Variants in HOXA7 observed in about 807,000 individuals in gnomAD.
HOXA7 encodes the protein homeobox protein Hox-A7.
In HOXA7, 16 loss-of-function variants were observed where a neutral mutation model predicts 16.8. The ratio of observed to expected loss-of-function variants is 0.95; its 90% CI spans 0.64 to 1.44. The LOEUF (loss-of-function observed/expected upper bound fraction) is 1.44. Among genes scored for constraint, HOXA7 ranks in the 40% most tolerant of loss-of-function variants. The pLI is 0.00. For synonymous variants in HOXA7, 169 were observed against 144.3 expected, an observed-to-expected ratio of 1.17 and a Z score of -1.23; for missense variants, 379 against 328.6, an observed-to-expected ratio of 1.15 and a Z score of -1.19.
At chr7:27,156,109 GCGCTCCCCGCTCCCGGTCC>G in intron 1 of HOXA7, 39 bp downstream of exon 1, 3 of 1,414,554 alleles carry the variant, frequency 2.1e-6, no homozygotes, top group Non-Finnish European at 2.8e-6. Flanking sequence ...CCCCAGCGCT[GCGCTCCCCGCTCCCGGTCC>G]CGCTCCGCCA....
chr7:27,155,235 A>G lies in HOXA7; in HGVS notation c.380-13T>C. ...TTCCTGTCAGGTCCTGAGAACAGAC[A>G]TGCAGACACATGAACACAAGGACAG... On this transcript the variant is annotated splice_polypyrimidine_tract_variant and intron_variant, in intron 1 of 1. Transcript: ENST00000242159. The G allele has an allele frequency of 6.2e-7, 1 of 1,612,662 alleles. No individual in the cohort carries two copies. Among genetic ancestry groups the G allele is most frequent in the Non-Finnish European group, 8.5e-7 (1 of 1,178,770 alleles).
Position 27,156,385 on chromosome 7 carries a change from A to G in HOXA7, c.161T>C (p.Leu54Ser). The change falls in exon 1 of 2, where the codon TTA (leucine) becomes TCA (serine). Residue 54 changes from leucine (L) to serine (S), a missense_variant. Leu to Ser is a moderately radical substitution (Grantham distance 145). Transcript: ENST00000242159. ...AGAFASTVPG[L>S]YNVNSPLYQS... ...ATAAAGGGGGCTGTTGACATTGTAT[A>G]AGCCCGGAACGGTCGAGGCGAAGGC... is the stretch of plus-strand genomic sequence containing the variant. 1 of 1,613,820 alleles carries G rather than the reference A, an allele frequency of 6.2e-7. No individual in the cohort carries two copies. Among genetic ancestry groups the G allele is most frequent in the South Asian group, 1.1e-5 (1 of 91,084 alleles).
At chr7:27,155,324 C>T in intron 1 of HOXA7, 102 bp from the exon 2 acceptor site, 1 of 1,089,388 alleles carries the variant, frequency 9.2e-7, no homozygotes. Flanking sequence ...CTGGCCTAGT[C>T]CCCAGCGAGC....
chr7:27,156,107 C>A (rs1270704139), intron 1 of HOXA7, 60 bp downstream of exon 1: 2 of 1,414,230 alleles, frequency 1.4e-6, no homozygotes, highest in East Asian at 2.7e-5. Flanking sequence ...CTCCCCAGCG[C>A]TGCGCTCCCC....
rs1783079589 is a variant in HOXA7, at chr7:27,155,002, G to A, written c.600C>T (p.Pro200=). 2.1e-5 allele frequency: 34 copies of A among 1,614,038 alleles called. No homozygotes were observed. The highest frequency in any genetic ancestry group is 2.8e-5 in the Non-Finnish European group (33 of 1,179,920). Residue 200 remains proline (P), a synonymous_variant, in exon 2 of 2, where the codon CCC becomes CCT. Coordinates refer to ENST00000242159, the MANE Select transcript of HOXA7 (RefSeq NM_006896.4). The part of the protein sequence containing the change: ...KDEGPTAAAA[P]EGAVPSAAAT... ...CGGCGGCAGAGGGCACGGCGCCCTC[G>A]GGAGCTGCGGCGGCAGTCGGACCTT...
At position 27,154,889 on chromosome 7, in the gene HOXA7, G is replaced by C. The variant is rs773956048; in HGVS notation, c.*20C>G. 4 of 1,597,632 alleles carry C rather than the reference G, an allele frequency of 2.5e-6. No individual in the cohort carries two copies. The highest frequency in any genetic ancestry group is 3.4e-6 in the Non-Finnish European group (4 of 1,169,642). ...CGCTTTTCCGACTGTCCGGTGCAGA[G>C]AGGGCCCCGGATCGGCCCCTCATTC... On this transcript the variant is annotated 3_prime_UTR_variant, in exon 2 of 2. Coordinates refer to ENST00000242159, the MANE Select transcript of HOXA7 (RefSeq NM_006896.4).
rs73071599 is a variant in HOXA7, at chr7:27,154,784, T to C, written c.*125A>G. ...AGTGCAGGTTGGGGACTGGGTTGCT[T>C]TTTTGTTTTTGTTTTTGTTTTTTAC... On this transcript the variant is annotated 3_prime_UTR_variant, in exon 2 of 2. Coordinates refer to ENST00000242159, the MANE Select transcript of HOXA7 (RefSeq NM_006896.4). The C allele has an allele frequency of 0.015, 20,907 of 1,367,394 alleles. 213 individuals are homozygous for C. The highest frequency in any genetic ancestry group is 0.018 in the Non-Finnish European group (18,280 of 1,036,536). 84.7% of individuals were successfully genotyped at this position (1,367,394 alleles called of 1,614,324 possible). A position where few individuals can be genotyped will look rare whatever the true frequency, so the allele number is the denominator to read the frequency against.
chr7:27,156,433 C>G lies in HOXA7; in HGVS notation c.113G>C (p.Ser38Thr). Reference protein sequence around the residue: ...SCSFAPNSQRSGYGAGAGAFA... With the variant: ...SCSFAPNSQRTGYGAGAGAFA... ...GGCGCCGGCGCCCGCCCCGTAGCCG[C>G]TTCTCTGTGAGTTGGGAGCAAAGGA... is the stretch of plus-strand genomic sequence containing the variant. Residue 38 changes from serine to threonine, a missense_variant, in exon 1 of 2, where the codon AGC (serine) becomes ACC (threonine). Physicochemically the swap from Ser to Thr is moderately conservative, Grantham distance 58. Transcript: ENST00000242159. 6.2e-7 allele frequency: 1 copy of G among 1,613,930 alleles called. No individual in the cohort carries two copies. The highest frequency in any genetic ancestry group is 8.5e-7 in the Non-Finnish European group (1 of 1,179,824).
chr7:27,155,060 C>T lies in HOXA7; in HGVS notation c.542G>A (p.Arg181His). The T allele has an allele frequency of 6.2e-7, 1 of 1,614,228 alleles. No homozygotes were observed. Among genetic ancestry groups the T allele is most frequent in the Non-Finnish European group, 8.5e-7 (1 of 1,180,034 alleles). The change falls in exon 2 of 2, where the codon CGC (arginine) becomes CAC (histidine). Residue 181 changes from arginine to histidine, a missense_variant. Physicochemically the swap from Arg to His is conservative, Grantham distance 29 (BLOSUM62 0). Transcript: ENST00000242159. Reference protein sequence around the residue: ...ERQIKIWFQNRRMKWKKEHKD... With the variant: ...ERQIKIWFQNHRMKWKKEHKD... Reference sequence around the variant, plus strand: ...ATGCTCTTTCTTCCACTTCATGCGGCGGTTCTGGAACCAGATCTTAATCTG... The same window carrying T: ...ATGCTCTTTCTTCCACTTCATGCGGTGGTTCTGGAACCAGATCTTAATCTG...
Position 27,155,126 on chromosome 7 carries a change from C to T in HOXA7, c.476G>A (p.Arg159His), listed in dbSNP as rs576810987. The change falls in exon 2 of 2, where the codon CGC becomes CAC. Residue 159 changes from arginine to histidine, a missense_variant. Arg to His is a conservative substitution (Grantham distance 29). Coordinates refer to ENST00000242159, the MANE Select transcript of HOXA7 (RefSeq NM_006896.4). ...GAGCGCGTGGGCGATTTCAATGCGG[C>T]GGCGCCGCGTCAGGTAGCGGTTGAA... ...FHFNRYLTRRRRIEIAHALCL... is the reference protein window; with the variant it reads ...FHFNRYLTRRHRIEIAHALCL... 12 of 1,614,250 alleles carry T rather than the reference C, an allele frequency of 7.4e-6. No homozygotes were observed. In the South Asian group the frequency reaches 1.3e-4, roughly 18 times the overall value.
In HOXA7 at chr7:27,156,567, G is replaced by C; in HGVS notation, c.-22C>G. ...TCATAATTTTGACCTGTGATTTGTT[G>C]TCCGGCAGCTTTCAGTGTCGGTTTT... On this transcript the variant is annotated 5_prime_UTR_variant, in exon 1 of 2. Transcript: ENST00000242159. 6.5e-7 allele frequency: 1 copy of C among 1,547,714 alleles called. No individual in the cohort carries two copies. Among genetic ancestry groups the C allele is most frequent in the Non-Finnish European group, 8.7e-7 (1 of 1,144,416 alleles).
intron 1 of HOXA7, 73 bp downstream of exon 1, chr7:27,156,094 G>GCGCTCCCCAGCGCTGCGCTCCC (rs1471143376): frequency 1.9e-5 from 26 of 1,372,690 alleles, no homozygotes; most frequent in Non-Finnish European, 1.7e-5. Flanking sequence ...CCCGCGCTCC[G>GCGCTCCCCAGCGCTGCGCTCCC]CGCTCCCCAG....
chr7:27,154,807 TA>T lies in HOXA7; in HGVS notation c.*101del, dbSNP rs1783073160. On this transcript the variant is annotated 3_prime_UTR_variant, in exon 2 of 2. Transcript: ENST00000242159. ...CTTTTTTGTTTTTGTTTTTGTTTTT[TA>T]CATTTTCTTTTATTTTTCCCATTTT... is the stretch of plus-strand genomic sequence containing the variant. 1 of 1,450,036 alleles carries T rather than the reference TA, an allele frequency of 6.9e-7. No individual in the cohort carries two copies. Among genetic ancestry groups the T allele is most frequent in the Non-Finnish European group, 9.1e-7 (1 of 1,101,254 alleles). The allele number at this position is 1,450,036 out of a possible 1,614,324, so 89.8% of individuals were successfully genotyped here. A position where few individuals can be genotyped will look rare whatever the true frequency, so the allele number is the denominator to read the frequency against.
rs78410337 is a variant in HOXA7, at chr7:27,156,497, C to G, written c.49G>C (p.Gly17Arg). Residue 17 changes from glycine to arginine, a missense_variant, in exon 1 of 2, where the codon GGG becomes CGG. Coordinates refer to ENST00000242159, the MANE Select transcript of HOXA7 (RefSeq NM_006896.4). The part of the protein sequence containing the change: ...VNALFSKYTA[G>R]ASLFQNAEPT... ...TCGGCATTTTGGAACAGAGAAGCCC[C>G]CGCCGTATATTTGCTAAAAAGCGCG... The G allele has an allele frequency of 7.5e-6, 12 of 1,591,434 alleles. No individual in the cohort carries two copies. Among genetic ancestry groups the G allele is most frequent in the Non-Finnish European group, 1.0e-5 (12 of 1,166,164 alleles).
At chr7:27,155,863 C>T (rs1783096759) in intron 1 of HOXA7, 1 of 310,884 alleles carries the variant, frequency 3.2e-6, no homozygotes, top group African/African-American at 2.1e-5. Flanking sequence ...GAATAGCGAA[C>T]AAACTTAATG....
chr7:27,155,463 A>G (rs1783089736), intron 1 of HOXA7: 3 of 540,558 alleles, frequency 5.5e-6, no homozygotes, highest in Non-Finnish European at 9.8e-6. Context: ...TCAACTTTAC[A>G]ACCGACCTTT....
In HOXA7 at chr7:27,156,298, G is replaced by T; in HGVS notation, c.248C>A (p.Ala83Asp). The T allele has an allele frequency of 1.2e-6, 2 of 1,613,808 alleles. No individual in the cohort carries two copies. Among genetic ancestry groups the T allele is most frequent in the Non-Finnish European group, 1.7e-6 (2 of 1,179,910 alleles). ...GADAYGNLPC[A>D]SYDQNIPGLC... ...CCCGGGGATGTTTTGGTCGTAGGAG[G>T]CGCAGGGCAGGTTGCCGTAGGCGTC... Residue 83 changes from alanine to aspartate, a missense_variant, in exon 1 of 2, where the codon GCC becomes GAC. By Grantham distance (126) the Ala-to-Asp change is moderately radical (BLOSUM62 -2). Coordinates refer to ENST00000242159, the MANE Select transcript of HOXA7 (RefSeq NM_006896.4).
In HOXA7 at chr7:27,155,057, C is replaced by A. The variant is rs764422900; in HGVS notation, c.545G>T (p.Arg182Leu). ...CTTATGCTCTTTCTTCCACTTCATG[C>A]GGCGGTTCTGGAACCAGATCTTAAT... ...RQIKIWFQNRRMKWKKEHKDE... is the reference protein window; with the variant it reads ...RQIKIWFQNRLMKWKKEHKDE... The change falls in exon 2 of 2, where the codon CGC becomes CTC. Residue 182 changes from arginine to leucine, a missense_variant. Transcript: ENST00000242159. 3 of 1,614,224 alleles carry A rather than the reference C, an allele frequency of 1.9e-6. No homozygotes were observed. Among genetic ancestry groups the A allele is most frequent in the South Asian group, 1.1e-5 (1 of 91,090 alleles).
In HOXA7 at chr7:27,154,980, C is replaced by T; in HGVS notation, c.622G>A (p.Ala208Thr). 8.1e-6 allele frequency: 13 copies of T among 1,613,572 alleles called. No homozygotes were observed. Among genetic ancestry groups the T allele is most frequent in the Non-Finnish European group, 1.0e-5 (12 of 1,179,574 alleles). ...GCCTTGTCCGCGGCAGCAGTGGCGGCGGCAGAGGGCACGGCGCCCTCGGGA... is the reference window on the plus strand; with the variant it reads ...GCCTTGTCCGCGGCAGCAGTGGCGGTGGCAGAGGGCACGGCGCCCTCGGGA... ...AAPEGAVPSA[A>T]ATAAADKADE... Residue 208 changes from alanine to threonine, a missense_variant, in exon 2 of 2, where the codon GCC (alanine) becomes ACC (threonine). Ala to Thr is a moderately conservative substitution (Grantham distance 58). Coordinates refer to ENST00000242159, the MANE Select transcript of HOXA7 (RefSeq NM_006896.4).
Sources: gnomAD v4.1 joint callset for allele counts on GRCh38, gnomAD v4.1.1 for gene constraint, MANE v1.5 for transcripts, NCBI Gene and HGNC (gene_info 2026-07-23, HGNC 2026-07-21) for gene names.